The following NABP1 variants were observed in gnomAD, a reference collection of about 807,000 sequenced individuals.
The protein encoded by NABP1 is nucleic acid binding protein 1.
A neutral mutation model predicts 25.0 loss-of-function variants in NABP1; 18 were observed. The observed-to-expected ratio is 0.72, with a 90% CI of 0.50 to 1.07. NABP1 has a LOEUF of 1.07. Among genes scored for constraint, NABP1 ranks in the 50% least tolerant of loss-of-function variants. The pLI, the probability that NABP1 is intolerant of heterozygous loss-of-function variation, is 0.00. For synonymous variants in NABP1, 71 were observed against 85.0 expected, an observed-to-expected ratio of 0.84 and a Z score of 0.91; for missense variants, 270 against 255.6, an observed-to-expected ratio of 1.06 and a Z score of -0.39.
In NABP1 at chr2:191,685,623, A is replaced by G. The variant is rs139076288; in HGVS notation, c.470A>G (p.Glu157Gly). Reference sequence around the variant, plus strand: ...GGAAATGGTGTTCACACTGGCCCTGAATCAAGGGAACACCAGTTTTCACAT... The same window carrying G: ...GGAAATGGTGTTCACACTGGCCCTGGATCAAGGGAACACCAGTTTTCACAT... ...PVGNGVHTGP[E>G]SREHQFSHAG... The change falls in exon 6 of 6, where the codon GAA (glutamate) becomes GGA (glycine). Residue 157 changes from glutamate (E) to glycine (G), a missense_variant. Physicochemically the swap from Glu to Gly is moderately conservative, Grantham distance 98. Coordinates refer to ENST00000425611, the MANE Select transcript of NABP1 (RefSeq NM_001031716.5). The G allele has an allele frequency of 8.7e-6, 14 of 1,613,538 alleles. No homozygotes were observed. The African/African-American group carries it at 1.7e-4, about 20-fold the overall frequency.
chr2:191,679,280 G>A, intron 2 of NABP1, 152 bp downstream of exon 2: 1 of 896,530 alleles, frequency 1.1e-6, no homozygotes, highest in Admixed American at 2.7e-5. Context: ...TTGGGTGGTG[G>A]GCAGCGCTGG....
chr2:191,678,452 G>C lies in NABP1; in HGVS notation c.-163G>C. 1 of 354,242 alleles carries C rather than the reference G, an allele frequency of 2.8e-6. No individual in the cohort carries two copies. The highest frequency in any genetic ancestry group is 5.1e-6 in the Non-Finnish European group (1 of 197,708). 21.9% of individuals were successfully genotyped at this position (354,242 alleles called of 1,614,324 possible). ...TCTTTTTTTAGGCTCAGTGCTGTCC[G>C]GGCTGGTTTGCCCGGTCCCTGACTA... On this transcript the variant is annotated 5_prime_UTR_variant, in exon 1 of 6. Coordinates refer to ENST00000425611, the MANE Select transcript of NABP1 (RefSeq NM_001031716.5).
chr2:191,685,959 TG>T lies in NABP1; in HGVS notation c.*194del. On this transcript the variant is annotated 3_prime_UTR_variant, in exon 6 of 6. Transcript: ENST00000425611. ...GCTGCTCGAGTCTCCTGTTGAAGAA[TG>T]GGAACACTGAAAAGTAGGGGCATTT... The T allele has an allele frequency of 1.9e-6, 1 of 519,226 alleles. No individual in the cohort carries two copies. The highest frequency in any genetic ancestry group is 3.5e-5 in the East Asian group (1 of 28,380). 32.2% of individuals were successfully genotyped at this position (519,226 alleles called of 1,614,324 possible). A position where few individuals can be genotyped will look rare whatever the true frequency, so the allele number is the denominator to read the frequency against.
intron 2 of NABP1, 57 bp downstream of exon 2, chr2:191,679,185 C>G: frequency 1.2e-6 from 2 of 1,605,824 alleles, no homozygotes; most frequent in Non-Finnish European, 1.7e-6. Flanking sequence ...GATTGGCCGG[C>G]TCCTGGGATC....
chr2:191,680,796 TAC>T (rs1466255963), intron 2 of NABP1, among the ~76,000 whole-genome samples: 3 of 152,218 alleles, frequency 2.0e-5, no homozygotes, highest in Non-Finnish European at 4.4e-5. Context: ...GAGAAGTTAC[TAC>T]ACCTCATACT....
chr2:191,678,455 C>T lies in NABP1; in HGVS notation c.-160C>T. The T allele has an allele frequency of 1.2e-5, 3 of 255,240 alleles. No homozygotes were observed. Among genetic ancestry groups the T allele is most frequent in the Non-Finnish European group, 1.4e-5 (2 of 138,074 alleles). The allele number at this position is 255,240 out of a possible 1,614,324, so 15.8% of individuals were successfully genotyped here. A position where few individuals can be genotyped will look rare whatever the true frequency, so the allele number is the denominator to read the frequency against. ...TTTTTTAGGCTCAGTGCTGTCCGGG[C>T]TGGTTTGCCCGGTCCCTGACTAACG... On this transcript the variant is annotated 5_prime_UTR_variant, in exon 1 of 6. Coordinates refer to ENST00000425611, the MANE Select transcript of NABP1 (RefSeq NM_001031716.5).
In NABP1 at chr2:191,679,044, A is replaced by C; in HGVS notation, c.146A>C (p.Asp49Ala). 1 of 1,614,268 alleles carries C rather than the reference A, an allele frequency of 6.2e-7. No homozygotes were observed. The highest frequency in any genetic ancestry group is 2.2e-5 in the East Asian group (1 of 44,890). The change falls in exon 2 of 6, where the codon GAT becomes GCT. Residue 49 changes from aspartate (D) to alanine (A), a missense_variant. Coordinates refer to ENST00000425611, the MANE Select transcript of NABP1 (RefSeq NM_001031716.5). ...GHEVRSCKVA[D>A]KTGSITISVW... ...GAAGTGAGATCGTGCAAAGTAGCAG[A>C]TAAAACGGGCAGCATCACTATTTCC...
intron 2 of NABP1, 55 bp from the exon 3 acceptor site, chr2:191,681,891 T>C (rs1219978443): frequency 8.1e-7 from 1 of 1,227,768 alleles, no homozygotes; most frequent in Non-Finnish European, 1.1e-6. Context: ...TTACTTGATT[T>C]AAATAGAAGA....
At chr2:191,680,123 A>T (rs537537131) in intron 2 of NABP1, among the ~76,000 whole-genome samples, 24 of 152,176 alleles carry the variant, frequency 1.6e-4, no homozygotes, top group East Asian at 5.8e-4. Context: ...CTTTTTTTTT[A>T]AAAAATAGAT....
At chr2:191,681,694 GAA>G (rs1687690319) in intron 2 of NABP1, among the ~76,000 whole-genome samples, 1 of 152,102 alleles carries the variant, frequency 6.6e-6, no homozygotes. Flanking sequence ...CTGGCTTTGC[GAA>G]AAGACTTATT....
At chr2:191,681,444 A>C (rs1687683119) in intron 2 of NABP1, among the ~76,000 whole-genome samples, 1 of 152,038 alleles carries the variant, frequency 6.6e-6, no homozygotes, top group South Asian at 2.1e-4. Flanking sequence ...AAGCTTTGTG[A>C]CCTTAGTGTT....
chr2:191,679,387 T>C (rs1416176034), intron 2 of NABP1, among the ~76,000 whole-genome samples: 1 of 152,178 alleles, frequency 6.6e-6, no homozygotes, highest in Non-Finnish European at 1.5e-5. Flanking sequence ...TTAATTATTA[T>C]TATTTTTTGG....
At chr2:191,679,219 C>G in intron 2 of NABP1, 91 bp downstream of exon 2, 1 of 1,506,226 alleles carries the variant, frequency 6.6e-7, no homozygotes, top group Non-Finnish European at 9.1e-7. Flanking sequence ...AAGTCCCCCG[C>G]CTTTTCTGTG....
At chr2:191,685,222 C>T (rs567517879) in intron 5 of NABP1, 1 of 167,592 alleles carries the variant, frequency 6.0e-6, no homozygotes, top group East Asian at 1.8e-4. Flanking sequence ...GTGGGAAACG[C>T]TGCCTTTGCC....
intron 3 of NABP1, chr2:191,682,474 T>A (rs1202804564): frequency 4.3e-6 from 2 of 469,890 alleles, no homozygotes; most frequent in Non-Finnish European, 8.8e-6. Context: ...AAAACTGAAG[T>A]CCTCTATTTA....
In NABP1 at chr2:191,683,975, T is replaced by A. The variant is rs1032173338; in HGVS notation, c.378+171T>A. 2.0e-5 allele frequency among the ~76,000 whole-genome samples: 3 copies of A among 152,122 alleles called. No homozygotes were observed. Among genetic ancestry groups the A allele is most frequent in the African/African-American group, 4.8e-5 (2 of 41,438 alleles). ...TATCTGAGGTGTCATCTACTAGATATATGTGCCATTTTGCACTTTGTGGTG... is the reference window on the plus strand; with the variant it reads ...TATCTGAGGTGTCATCTACTAGATAAATGTGCCATTTTGCACTTTGTGGTG... On this transcript the variant is annotated intron_variant, in intron 4 of 5. Transcript: ENST00000425611. This position sits in a 1 kb window ranked among gnomAD's most constrained non-coding sequence, Gnocchi z 4.1.
At chr2:191,678,810 C>G (rs532811594) in intron 1 of NABP1, 105 bp downstream of exon 1, 2 of 1,218,558 alleles carry the variant, frequency 1.6e-6, no homozygotes, top group South Asian at 2.7e-5. Context: ...CCTCCCTCCC[C>G]TCCCCCACCC....
In NABP1 at chr2:191,683,182, A is replaced by G. The variant is rs1255203665; in HGVS notation, c.303-547A>G. On this transcript the variant is annotated intron_variant, in intron 3 of 5. Coordinates refer to ENST00000425611, the MANE Select transcript of NABP1 (RefSeq NM_001031716.5). The surrounding 1 kb of genome is among the most constrained non-coding windows in gnomAD (Gnocchi z 4.1). The stretch of plus-strand genomic sequence containing the variant: ...CTTCTTTGTAATGTTAGTACACATT[A>G]TATGGTCAACTTACAGGAAGCACTT... 3.6e-5 allele frequency: 6 copies of G among 164,808 alleles called. No individual in the cohort carries two copies. The highest frequency in any genetic ancestry group is 1.4e-4 in the African/African-American group (6 of 41,520). 10.2% of individuals were successfully genotyped at this position (164,808 alleles called of 1,614,324 possible). A position where few individuals can be genotyped will look rare whatever the true frequency, so the allele number is the denominator to read the frequency against.
chr2:191,678,844 C>G (rs1439809944), intron 1 of NABP1, 139 bp downstream of exon 1: 8 of 1,344,694 alleles, frequency 5.9e-6, no homozygotes, highest in African/African-American at 2.9e-5. Context: ...GGCCTCCGCC[C>G]GAGATCGGAT....
Sources: allele counts gnomAD v4.1 joint callset (sites outside exome capture counted in the v4.1 genomes callset), GRCh38; gene constraint gnomAD v4.1.1; non-coding constraint Gnocchi (gnomAD v3.1); transcripts MANE v1.5; gene names NCBI Gene and HGNC (gene_info 2026-07-23, HGNC 2026-07-21).